Variants in GATA4 observed in about 807,000 individuals in gnomAD.
GATA4 encodes the protein transcription factor GATA-4.
GATA4 carries 7 observed loss-of-function variants against 37.9 expected under a neutral mutation model. The ratio of observed to expected loss-of-function variants is 0.18; its 90% CI spans 0.11 to 0.35. The LOEUF (loss-of-function observed/expected upper bound fraction) is 0.35, where lower values mean the gene tolerates loss of function less well. GATA4 is among the 10% of genes least tolerant of loss of function. GATA4 has a pLI of 1.00. For synonymous variants in GATA4, 372 were observed against 292.6 expected, an observed-to-expected ratio of 1.27 and a Z score of -2.77; for missense variants, 647 against 653.0, an observed-to-expected ratio of 0.99 and a Z score of 0.10.
chr8:11,748,157 G>T (rs1415059331), intron 2 of GATA4, among the ~76,000 whole-genome samples: 1 of 152,216 alleles, frequency 6.6e-6, no homozygotes, highest in Non-Finnish European at 1.5e-5. Context: ...GGCAGAGGTT[G>T]CAGTGAGCTG....
At chr8:11,735,553 G>GTTTC (rs1314634684) in intron 2 of GATA4, among the ~76,000 whole-genome samples, 13 of 151,276 alleles carry the variant, frequency 8.6e-5, no homozygotes, top group East Asian at 3.9e-4. Flanking sequence ...TTGTTTGTTT[G>GTTTC]TTTGTTTCTT....
chr8:11,725,397 G>C (rs935371204), intron 2 of GATA4, among the ~76,000 whole-genome samples: 2 of 152,254 alleles, frequency 1.3e-5, no homozygotes, highest in Non-Finnish European at 2.9e-5. Context: ...ATCACGCAAG[G>C]GCTGGGGAAT....
chr8:11,722,134 C>T (rs1398363779), intron 2 of GATA4, among the ~76,000 whole-genome samples: 1 of 152,152 alleles, frequency 6.6e-6, no homozygotes, highest in Non-Finnish European at 1.5e-5. Context: ...TGGTGTGAAC[C>T]ACCACACCCC....
At chr8:11,753,589 A>AG (rs1802407825) in intron 4 of GATA4, among the ~76,000 whole-genome samples, 2 of 146,562 alleles carry the variant, frequency 1.4e-5, no homozygotes. Context: ...AGGCATAGCT[A>AG]GGGGGATGGG....
At position 11,750,406 on chromosome 8, in the gene GATA4, T is replaced by A. The variant is rs1328853993; in HGVS notation, c.912+170T>A. Among the ~76,000 whole-genome samples the A allele has an allele frequency of 2.6e-5, 4 of 152,334 alleles. No homozygotes were observed. The East Asian group carries it at 7.7e-4, about 29-fold the overall frequency. ...CTGGCCTCTTCCGTCCTTTACATTG[T>A]ATAAGTGAATTTTCCGTTTTACAGA... On this transcript the variant is annotated intron_variant, in intron 4 of 6. Transcript: ENST00000532059.
In GATA4 at chr8:11,709,156, C is replaced by G. The variant is rs1354581696; in HGVS notation, c.616+228C>G. Reference sequence around the variant, plus strand: ...CCGGGCCTGCCCGCCGGGGCCTCTTCTGAGATGGTGTCAGGGTCGGAGTGC... The same window carrying G: ...CCGGGCCTGCCCGCCGGGGCCTCTTGTGAGATGGTGTCAGGGTCGGAGTGC... On this transcript the variant is annotated intron_variant, in intron 2 of 6. Transcript: ENST00000532059. This position sits in a 1 kb window ranked among gnomAD's most constrained non-coding sequence, Gnocchi z 4.3. Among the ~76,000 whole-genome samples, 1 of 152,200 alleles carries G rather than the reference C, an allele frequency of 6.6e-6. No individual in the cohort carries two copies. The highest frequency in any genetic ancestry group is 1.5e-5 in the Non-Finnish European group (1 of 68,038).
intron 1 of GATA4, among the ~76,000 whole-genome samples, chr8:11,684,893 G>C (rs1327990649): frequency 1.3e-5 from 2 of 152,186 alleles, no homozygotes; most frequent in African/African-American, 4.8e-5. Context: ...AAAATTGACT[G>C]CTGCTGGTGG....
upstream of GATA4, chr8:11,704,059 GC>G (rs1185997903): frequency 9.9e-5 from 15 of 152,278 alleles, no homozygotes; most frequent in Non-Finnish European, 1.6e-4. Flanking sequence ...TGCTGGGGGA[GC>G]TTTCCGCACA....
chr8:11,683,062 C>G, intron 1 of GATA4: 5 of 985,336 alleles, frequency 5.1e-6, no homozygotes, highest in Non-Finnish European at 6.0e-6. Context: ...TCTGGTGTCT[C>G]TTACCCCCTA....
At chr8:11,690,796 A>G (rs1057347266), upstream of GATA4, among the ~76,000 whole-genome samples, 1 of 152,242 alleles carries the variant, frequency 6.6e-6, no homozygotes, top group African/African-American at 2.4e-5. Context: ...GCTTGAGCCC[A>G]GGAATTGGAG....
chr8:11,733,698 C>G (rs916774242), intron 2 of GATA4, among the ~76,000 whole-genome samples: 1 of 152,200 alleles, frequency 6.6e-6, no homozygotes, highest in African/African-American at 2.4e-5. Flanking sequence ...AACAGATATG[C>G]GTCCCTGCAG....
At chr8:11,693,184 A>G in intron 1 of GATA4, 1 of 742,970 alleles carries the variant, frequency 1.3e-6, no homozygotes, top group Non-Finnish European at 1.6e-6. Context: ...TGATTCGGCA[A>G]GCTGGGCGCG....
At chr8:11,747,581 A>G (rs970081064) in intron 2 of GATA4, among the ~76,000 whole-genome samples, 1 of 152,234 alleles carries the variant, frequency 6.6e-6, no homozygotes, top group Non-Finnish European at 1.5e-5. Flanking sequence ...AAATGAATGA[A>G]TGAAGCTTTT....
At chr8:11,730,721 C>T (rs1801164274) in intron 2 of GATA4, among the ~76,000 whole-genome samples, 3 of 152,254 alleles carry the variant, frequency 2.0e-5, no homozygotes, top group South Asian at 4.1e-4. Flanking sequence ...TCCTGCTGCC[C>T]TGGCATTGTT....
chr8:11,680,883 C>A (rs994935691), intron 1 of GATA4: 1 of 985,252 alleles, frequency 1.0e-6, no homozygotes, highest in South Asian at 4.7e-5. Flanking sequence ...CAGTTGCGAC[C>A]CCCTGTGTGA....
chr8:11,754,319 G>A (rs1802448345), intron 4 of GATA4, among the ~76,000 whole-genome samples: 1 of 152,154 alleles, frequency 6.6e-6, no homozygotes, highest in South Asian at 2.1e-4. Flanking sequence ...TGGGTTCAAG[G>A]GATCCTCCTA....
intron 1 of GATA4, among the ~76,000 whole-genome samples, chr8:11,698,808 G>A (rs1585574912): frequency 6.6e-6 from 1 of 152,234 alleles, no homozygotes; most frequent in Admixed American, 6.5e-5. Flanking sequence ...TGGGGACCCC[G>A]GGGTGTCCTT....
chr8:11,730,912 G>A (rs913715712), intron 2 of GATA4, among the ~76,000 whole-genome samples: 1 of 152,212 alleles, frequency 6.6e-6, no homozygotes, highest in African/African-American at 2.4e-5. Flanking sequence ...TCTGCCTTGG[G>A]AGCTCACATT....
intron 1 of GATA4, among the ~76,000 whole-genome samples, chr8:11,677,552 C>A (rs1335709631): frequency 6.6e-6 from 1 of 152,218 alleles, no homozygotes. Flanking sequence ...CCCCCGCAGC[C>A]CTTGGTGTCC....
Sources: allele counts gnomAD v4.1 joint callset (sites outside exome capture counted in the v4.1 genomes callset), GRCh38; gene constraint gnomAD v4.1.1; non-coding constraint Gnocchi (gnomAD v3.1); transcripts MANE v1.5; gene names NCBI Gene and HGNC (gene_info 2026-07-23, HGNC 2026-07-21).